The following CHRM2 variants were observed in gnomAD, a reference collection of about 807,000 sequenced individuals.
CHRM2 encodes the protein muscarinic acetylcholine receptor M2.
A neutral mutation model predicts 25.0 loss-of-function variants in CHRM2; 8 were observed. That is an observed-to-expected ratio of 0.32 (90% confidence interval 0.19 to 0.58). CHRM2 has a LOEUF of 0.58. CHRM2 is among the 20% of genes least tolerant of loss of function. The pLI is 0.88. For missense variants in CHRM2, 440 were observed against 567.1 expected (o/e 0.78, Z 2.28); for synonymous variants, 202 against 205.7 (o/e 0.98, Z 0.15).
intron 2 of CHRM2, among the ~76,000 whole-genome samples, chr7:136,896,562 T>C (rs1759882145): frequency 6.6e-6 from 1 of 151,270 alleles, no homozygotes; most frequent in East Asian, 1.9e-4. Context: ...CTACCTTGCA[T>C]TGTGTGTGTG....
Position 137,018,041 on chromosome 7 carries a change from G to A in CHRM2, c.*1775G>A, listed in dbSNP as rs2131141904. 1 of 151,784 alleles carries A rather than the reference G, an allele frequency of 6.6e-6. No individual in the cohort carries two copies. Among genetic ancestry groups the A allele is most frequent in the Admixed American group, 6.6e-5 (1 of 15,204 alleles). The allele number at this position is 151,784 out of a possible 1,614,324, so 9.4% of individuals were successfully genotyped here. A position where few individuals can be genotyped will look rare whatever the true frequency, so the allele number is the denominator to read the frequency against. ...ACGCATTTGCAAATTTCATATTTTG[G>A]ATTTTAGATTTATGATATCTTGTTC... On this transcript the variant is annotated 3_prime_UTR_variant, in exon 4 of 4. Transcript: ENST00000680005.
At chr7:137,006,701 C>G (rs1435826892) in intron 3 of CHRM2, among the ~76,000 whole-genome samples, 2 of 151,886 alleles carry the variant, frequency 1.3e-5, no homozygotes, top group Non-Finnish European at 2.9e-5. Context: ...GCACTGCACA[C>G]AAACCTTAAG....
intron 2 of CHRM2, among the ~76,000 whole-genome samples, chr7:136,952,831 C>T (rs891003937): frequency 2.6e-5 from 4 of 152,080 alleles, no homozygotes; most frequent in Admixed American, 6.6e-5. Flanking sequence ...ATTTGGTTTT[C>T]TGTTTCTGTG....
chr7:137,003,236 G>C (rs140473478), intron 3 of CHRM2, among the ~76,000 whole-genome samples: 1 of 152,174 alleles, frequency 6.6e-6, no homozygotes, highest in Non-Finnish European at 1.5e-5. Flanking sequence ...CCCTCAAAAG[G>C]AGGAATCTGA....
At chr7:136,984,848 G>A (rs763349611) in intron 2 of CHRM2, among the ~76,000 whole-genome samples, 4 of 151,754 alleles carry the variant, frequency 2.6e-5, no homozygotes, top group East Asian at 1.9e-4. Flanking sequence ...TGCCTTCTGC[G>A]TTGGTCTCGC....
At chr7:136,904,310 A>C (rs1334690958) in intron 2 of CHRM2, among the ~76,000 whole-genome samples, 1 of 151,896 alleles carries the variant, frequency 6.6e-6, no homozygotes, top group Non-Finnish European at 1.5e-5. Context: ...AGTTTTAAAA[A>C]TTATTATAAC....
intron 3 of CHRM2, among the ~76,000 whole-genome samples, chr7:137,007,534 G>A (rs1382274712): frequency 6.6e-6 from 1 of 152,052 alleles, no homozygotes; most frequent in African/African-American, 2.4e-5. Flanking sequence ...CTCTAAATAT[G>A]TACAATGACT....
chr7:136,986,992 C>G (rs533956393), intron 2 of CHRM2, among the ~76,000 whole-genome samples: 1 of 152,132 alleles, frequency 6.6e-6, no homozygotes, highest in Non-Finnish European at 1.5e-5. Context: ...TTGTACCAGG[C>G]AAAACAGAAA....
Position 137,017,898 on chromosome 7 carries a change from T to G in CHRM2, c.*1632T>G, listed in dbSNP as rs538205908. 2 of 152,092 alleles carry G rather than the reference T, an allele frequency of 1.3e-5. No individual in the cohort carries two copies. Among genetic ancestry groups the G allele is most frequent in the South Asian group, 2.1e-4 (1 of 4,832 alleles). 9.4% of individuals were successfully genotyped at this position (152,092 alleles called of 1,614,324 possible). A position where few individuals can be genotyped will look rare whatever the true frequency, so the allele number is the denominator to read the frequency against. On this transcript the variant is annotated 3_prime_UTR_variant, in exon 4 of 4. Transcript: ENST00000680005. ...GTCTAAATAAATATAGGATTAGGAT[T>G]ATACGGATTCACATACAACTAGTTA...
intron 2 of CHRM2, among the ~76,000 whole-genome samples, chr7:136,939,035 A>G (rs1356243826): frequency 6.8e-6 from 1 of 146,358 alleles, no homozygotes; most frequent in African/African-American, 2.5e-5. Context: ...AGATTACTTT[A>G]GTGTAGGAAA....
chr7:136,905,463 T>C (rs556251232), intron 2 of CHRM2, among the ~76,000 whole-genome samples: 8 of 151,914 alleles, frequency 5.3e-5, no homozygotes, highest in African/African-American at 1.9e-4. Context: ...TGTTGGTTTT[T>C]AAACATATTT....
At chr7:136,879,182 C>T (rs1005168119) in intron 2 of CHRM2, among the ~76,000 whole-genome samples, 1 of 151,860 alleles carries the variant, frequency 6.6e-6, no homozygotes, top group Non-Finnish European at 1.5e-5. Flanking sequence ...ATGAAATTTC[C>T]AAGGCATACA....
chr7:136,923,483 T>G (rs1221019994), intron 2 of CHRM2, among the ~76,000 whole-genome samples: 1 of 150,880 alleles, frequency 6.6e-6, no homozygotes, highest in Non-Finnish European at 1.5e-5. Context: ...TCCAATCAAT[T>G]TTTTTTTTAC....
intron 2 of CHRM2, among the ~76,000 whole-genome samples, chr7:136,984,445 G>A (rs1322776284): frequency 6.6e-6 from 1 of 152,002 alleles, no homozygotes; most frequent in Non-Finnish European, 1.5e-5. Context: ...CCAGGGAAGT[G>A]AACAGTTCTG....
intron 2 of CHRM2, among the ~76,000 whole-genome samples, chr7:136,970,044 G>T (rs1407238392): frequency 1.3e-5 from 2 of 151,986 alleles, no homozygotes; most frequent in African/African-American, 2.4e-5. Context: ...TCCTTATAAG[G>T]GCACTAATCC....
intron 2 of CHRM2, among the ~76,000 whole-genome samples, chr7:136,973,263 T>C (rs324598): frequency 6.8e-4 from 52 of 76,800 alleles, no homozygotes; most frequent in East Asian, 1.1e-3. Flanking sequence ...CAGGTGATGA[T>C]GGTGACGGTG....
chr7:136,976,266 C>T (rs1802098965), intron 2 of CHRM2, among the ~76,000 whole-genome samples: 1 of 151,992 alleles, frequency 6.6e-6, no homozygotes, highest in Non-Finnish European at 1.5e-5. Context: ...GAAATTTAGA[C>T]ATGAAATGAT....
At chr7:136,954,949 T>C (rs1800632711) in intron 2 of CHRM2, among the ~76,000 whole-genome samples, 1 of 152,194 alleles carries the variant, frequency 6.6e-6, no homozygotes, top group South Asian at 2.1e-4. Context: ...CAGACCTATA[T>C]TCCTGGTTCC....
At chr7:136,940,931 C>T (rs1799736052) in intron 2 of CHRM2, among the ~76,000 whole-genome samples, 1 of 152,102 alleles carries the variant, frequency 6.6e-6, no homozygotes, top group African/African-American at 2.4e-5. Context: ...AGAGCAGTGA[C>T]CAAGTAAAAG....
Sources: allele counts gnomAD v4.1 joint callset (sites outside exome capture counted in the v4.1 genomes callset), GRCh38; gene constraint gnomAD v4.1.1; transcripts MANE v1.5; gene names NCBI Gene and HGNC (gene_info 2026-07-23, HGNC 2026-07-21).